Variants in TNPO1 observed in about 807,000 individuals in gnomAD.
The protein encoded by TNPO1 is transportin-1.
A neutral mutation model predicts 119.5 loss-of-function variants in TNPO1; 8 were observed. The ratio of observed to expected loss-of-function variants is 0.07; its 90% CI spans 0.04 to 0.12. The LOEUF (loss-of-function observed/expected upper bound fraction) is 0.12, where lower values mean the gene tolerates loss of function less well. Among genes scored for constraint, TNPO1 ranks in the 10% least tolerant of loss-of-function variants. TNPO1 has a pLI of 1.00. For synonymous variants in TNPO1, 362 were observed against 363.0 expected (o/e 1.00, Z 0.03); for missense variants, 576 against 1,089.8 (o/e 0.53, Z 6.64).
At chr5:72,855,264 G>A (rs948232563) in intron 3 of TNPO1, among the ~76,000 whole-genome samples, 2 of 146,156 alleles carry the variant, frequency 1.4e-5, no homozygotes, top group Non-Finnish European at 3.0e-5. Flanking sequence ...GAACCACCAC[G>A]CCCAGCCTTA....
intron 5 of TNPO1, among the ~76,000 whole-genome samples, chr5:72,864,765 C>T (rs776574700): frequency 5.3e-5 from 8 of 151,970 alleles, no homozygotes; most frequent in Non-Finnish European, 1.2e-4. Context: ...TGCACCACCA[C>T]GCCCAGCTAA....
intron 23 of TNPO1, among the ~76,000 whole-genome samples, chr5:72,904,800 C>A (rs973540301): frequency 1.3e-5 from 2 of 151,986 alleles, no homozygotes; most frequent in African/African-American, 2.4e-5. Flanking sequence ...TCTGTCCCCG[C>A]CACACACACA....
chr5:72,873,672 G>A (rs1265388766), intron 7 of TNPO1, among the ~76,000 whole-genome samples: 6 of 152,134 alleles, frequency 3.9e-5, no homozygotes, highest in African/African-American at 1.4e-4. Context: ...GTAGTATAAT[G>A]TAGTGGATAA....
intron 5 of TNPO1, among the ~76,000 whole-genome samples, chr5:72,862,644 T>TTTTG (rs992600402): frequency 1.1e-4 from 17 of 151,660 alleles, no homozygotes; most frequent in East Asian, 1.9e-4. Context: ...TCTTCGTTTT[T>TTTTG]TTTGTTTGTT....
intron 1 of TNPO1, among the ~76,000 whole-genome samples, chr5:72,833,910 T>C (rs1744582689): frequency 6.6e-6 from 1 of 152,240 alleles, no homozygotes; most frequent in Non-Finnish European, 1.5e-5. Flanking sequence ...TCATATGACA[T>C]TAGTTCCTAC....
At chr5:72,882,709 A>G (rs1748336345) in intron 10 of TNPO1, among the ~76,000 whole-genome samples, 182 bp downstream of exon 10, 2 of 152,194 alleles carry the variant, frequency 1.3e-5, no homozygotes, top group African/African-American at 2.4e-5. Context: ...TTGGTACTAG[A>G]TGGTGACATT....
At chr5:72,835,060 G>T (rs1744642987) in intron 1 of TNPO1, among the ~76,000 whole-genome samples, 1 of 152,134 alleles carries the variant, frequency 6.6e-6, no homozygotes, top group South Asian at 2.1e-4. Flanking sequence ...TATAGCCTAG[G>T]TGTGTAGTAG....
chr5:72,912,831 A>G lies in TNPO1; in HGVS notation c.*4158A>G, dbSNP rs1288126045. ...GTTTTTTGCTTCATATGGTAAATCT[A>G]TATTATTCATATTGAATGTATTAAC... is the stretch of plus-strand genomic sequence containing the variant. On this transcript the variant is annotated 3_prime_UTR_variant, in exon 25 of 25. Transcript: ENST00000337273. 2 of 152,526 alleles carry G rather than the reference A, an allele frequency of 1.3e-5. No homozygotes were observed. Among genetic ancestry groups the G allele is most frequent in the African/African-American group, 2.4e-5 (1 of 41,454 alleles). 9.4% of individuals were successfully genotyped at this position (152,526 alleles called of 1,614,324 possible). A position where few individuals can be genotyped will look rare whatever the true frequency, so the allele number is the denominator to read the frequency against.
At chr5:72,891,787 A>T in intron 14 of TNPO1, 23 bp from the exon 15 acceptor site, 1 of 1,520,960 alleles carries the variant, frequency 6.6e-7, no homozygotes, top group Non-Finnish European at 9.0e-7. Context: ...GGAATTTTAT[A>T]TGTTTTTCAT....
In TNPO1 at chr5:72,908,881, A is replaced by G. The variant is rs1409632915; in HGVS notation, c.*208A>G. On this transcript the variant is annotated 3_prime_UTR_variant, in exon 25 of 25. Coordinates refer to ENST00000337273, the MANE Select transcript of TNPO1 (RefSeq NM_002270.4). ...TAAGTCGATGTTGGGAAACGTTTTA[A>G]CATCTGGAGCCTTTGTGGGTGGAAA... is the stretch of plus-strand genomic sequence containing the variant. 2.2e-6 allele frequency: 1 copy of G among 453,944 alleles called. No individual in the cohort carries two copies. The highest frequency in any genetic ancestry group is 2.4e-5 in the Admixed American group (1 of 42,268). The allele number at this position is 453,944 out of a possible 1,614,324, so 28.1% of individuals were successfully genotyped here.
chr5:72,848,967 A>G (rs1012433487), intron 2 of TNPO1, among the ~76,000 whole-genome samples: 2 of 151,730 alleles, frequency 1.3e-5, no homozygotes, highest in African/African-American at 2.4e-5. Context: ...TCGCCGCCTG[A>G]CTGGCCAGAA....
rs1335305893 is a variant in TNPO1, at chr5:72,848,488, C to T, written c.119C>T (p.Thr40Ile). ...SQSPDTTIQRTVQQKLEQLNQ... is the reference protein window; with the variant it reads ...SQSPDTTIQRIVQQKLEQLNQ... ...TCCCCAGACACCACCATCCAGAGAA[C>T]CGTGCAACAAGTATCCTTTCCGAGG... Residue 40 changes from threonine (T) to isoleucine (I), a missense_variant, in exon 2 of 25, where the codon ACC becomes ATC. Physicochemically the swap from Thr to Ile is moderately conservative, Grantham distance 89. Transcript: ENST00000337273. 29 of 1,601,758 alleles carry T rather than the reference C, an allele frequency of 1.8e-5. No individual in the cohort carries two copies. Among genetic ancestry groups the T allele is most frequent in the Non-Finnish European group, 2.4e-5 (28 of 1,173,706 alleles).
intron 23 of TNPO1, among the ~76,000 whole-genome samples, chr5:72,904,404 G>T (rs894344053): frequency 2.6e-5 from 4 of 152,178 alleles, no homozygotes; most frequent in Non-Finnish European, 4.4e-5. Context: ...TGGAACACTT[G>T]CCAAAGTCTA....
chr5:72,885,547 A>G (rs555902029), intron 11 of TNPO1, among the ~76,000 whole-genome samples: 2 of 152,286 alleles, frequency 1.3e-5, no homozygotes, highest in Middle Eastern at 3.4e-3. Context: ...ATCAGATTAT[A>G]TGTACTCTGC....
At chr5:72,908,145 C>T (rs1179278100) in intron 24 of TNPO1, among the ~76,000 whole-genome samples, 1 of 152,088 alleles carries the variant, frequency 6.6e-6, no homozygotes, top group Non-Finnish European at 1.5e-5. Context: ...TGTAGTGACC[C>T]TGCTGTGGTA....
intron 6 of TNPO1, among the ~76,000 whole-genome samples, chr5:72,866,158 G>C (rs1746880862): frequency 6.6e-6 from 1 of 152,160 alleles, no homozygotes; most frequent in African/African-American, 2.4e-5. Context: ...CCATCACCTA[G>C]GTGGTAACCA....
At chr5:72,885,626 G>A (rs1748564147) in intron 11 of TNPO1, among the ~76,000 whole-genome samples, 2 of 151,950 alleles carry the variant, frequency 1.3e-5, no homozygotes, top group Non-Finnish European at 2.9e-5. Context: ...TCCTTTTGTT[G>A]CATGTCAGTG....
At chr5:72,828,598 A>G (rs1282321234) in intron 1 of TNPO1, among the ~76,000 whole-genome samples, 2 of 152,088 alleles carry the variant, frequency 1.3e-5, no homozygotes, top group East Asian at 1.9e-4. Flanking sequence ...TAATACTTTA[A>G]TGTGCATATC....
chr5:72,854,742 G>C (rs1413747267), intron 3 of TNPO1, among the ~76,000 whole-genome samples: 1 of 152,138 alleles, frequency 6.6e-6, no homozygotes, highest in Non-Finnish European at 1.5e-5. Context: ...AAAGCCGTCA[G>C]TTATGTTCTA....
Sources: allele counts gnomAD v4.1 joint callset (sites outside exome capture counted in the v4.1 genomes callset), GRCh38; gene constraint gnomAD v4.1.1; transcripts MANE v1.5; gene names NCBI Gene and HGNC (gene_info 2026-07-23, HGNC 2026-07-21).